Variants in METTL15 observed in about 807,000 individuals in gnomAD.
The protein encoded by METTL15 is 12S rRNA N(4)-cytidine methyltransferase METTL15.
A neutral mutation model predicts 38.3 loss-of-function variants in METTL15; 34 were observed. The observed-to-expected ratio is 0.89, with a 90% CI of 0.68 to 1.18. METTL15 has a LOEUF of 1.18. Ranked by LOEUF, METTL15 falls within the 50% of genes most tolerant of loss-of-function variation. METTL15 has a pLI of 0.00. For missense variants in METTL15, 438 were observed against 498.4 expected (o/e 0.88, Z 1.15); for synonymous variants, 162 against 170.9 (o/e 0.95, Z 0.41).
intron 5 of METTL15, among the ~76,000 whole-genome samples, chr11:28,363,977 G>C (rs1027918962): frequency 3.3e-5 from 5 of 152,044 alleles, no homozygotes; most frequent in African/African-American, 1.2e-4. Flanking sequence ...TTTTGTCCCA[G>C]GTCCAATGGC....
chr11:28,415,602 T>C (rs986016396), intron 5 of METTL15, among the ~76,000 whole-genome samples: 2 of 152,168 alleles, frequency 1.3e-5, no homozygotes, highest in Non-Finnish European at 1.5e-5. Context: ...ATGCTCTCAT[T>C]CAACCTTCAG....
chr11:28,457,173 G>A (rs546479083), intron 6 of METTL15, among the ~76,000 whole-genome samples: 1 of 152,184 alleles, frequency 6.6e-6, no homozygotes, highest in East Asian at 1.9e-4. Context: ...GCCTCTGGAT[G>A]TTTTAAGCAT....
At chr11:28,520,595 C>CTATA (rs1176372902) in intron 6 of METTL15, among the ~76,000 whole-genome samples, 1 of 152,166 alleles carries the variant, frequency 6.6e-6, no homozygotes, top group African/African-American at 2.4e-5. Flanking sequence ...TTTTATTCAT[C>CTATA]TATAAATATG....
intron 5 of METTL15, among the ~76,000 whole-genome samples, chr11:28,380,732 T>G (rs1850241200): frequency 1.3e-5 from 2 of 152,186 alleles, no homozygotes; most frequent in African/African-American, 4.8e-5. Context: ...ACAACATATC[T>G]TAGATTAAAA....
At chr11:28,473,476 G>C (rs1187801722) in intron 6 of METTL15, among the ~76,000 whole-genome samples, 1 of 152,166 alleles carries the variant, frequency 6.6e-6, no homozygotes, top group African/African-American at 2.4e-5. Flanking sequence ...ACCTGTCTCA[G>C]CTGCAGAGAT....
intron 3 of METTL15, among the ~76,000 whole-genome samples, chr11:28,162,109 T>C (rs1850487072): frequency 6.6e-6 from 1 of 152,170 alleles, no homozygotes; most frequent in African/African-American, 2.4e-5. Flanking sequence ...AACATATCCT[T>C]CTTGCAGATG....
chr11:28,279,146 A>G (rs965555365), intron 4 of METTL15, among the ~76,000 whole-genome samples: 2 of 152,078 alleles, frequency 1.3e-5, no homozygotes, highest in Non-Finnish European at 2.9e-5. Context: ...TTGTCATGTA[A>G]TGTCTTTTTT....
intron 4 of METTL15, among the ~76,000 whole-genome samples, chr11:28,263,019 A>G (rs1328674320): frequency 6.6e-6 from 1 of 151,938 alleles, no homozygotes; most frequent in African/African-American, 2.4e-5. Flanking sequence ...TAATTGGGTT[A>G]TTTCCACTTT....
chr11:28,284,653 G>A (rs1054210389), intron 4 of METTL15, among the ~76,000 whole-genome samples: 2 of 152,182 alleles, frequency 1.3e-5, no homozygotes, highest in South Asian at 2.1e-4. Flanking sequence ...TTTAGGCAAT[G>A]TAAGTCAACA....
In METTL15 at chr11:28,371,307, C is replaced by T. The variant is rs998795852; in HGVS notation, c.*358+9271C>T. 4.6e-5 allele frequency among the ~76,000 whole-genome samples: 7 copies of T among 151,890 alleles called. No individual in the cohort carries two copies. The South Asian group carries it at 6.2e-4, about 13-fold the overall frequency. On this transcript the variant is annotated intron_variant and NMD_transcript_variant, in intron 5 of 7. Coordinates refer to the METTL15 transcript ENST00000532947. ...TTATCCTTTCACTATTGTATGTTCT[C>T]GGCACCTTTGTGAAAAATAAGTTGG...
intron 3 of METTL15, among the ~76,000 whole-genome samples, chr11:28,137,844 CAATT>C (rs1278017230): frequency 6.7e-6 from 1 of 150,140 alleles, no homozygotes; most frequent in Non-Finnish European, 1.5e-5. Flanking sequence ...TTAGGCCAAT[CAATT>C]AGAGCTATTT....
At chr11:28,307,893 C>T (rs751380548) in intron 6 of METTL15, among the ~76,000 whole-genome samples, 1 of 151,976 alleles carries the variant, frequency 6.6e-6, no homozygotes, top group African/African-American at 2.4e-5. Flanking sequence ...ATAATATTTT[C>T]ATGAATCCCA....
At chr11:28,110,713 C>T (rs560038154) in intron 2 of METTL15, among the ~76,000 whole-genome samples, 2 of 152,258 alleles carry the variant, frequency 1.3e-5, no homozygotes, top group African/African-American at 2.4e-5. Flanking sequence ...ACAGGATTTC[C>T]CTGCCAGACA....
chr11:28,512,065 T>C (rs1043459242), intron 6 of METTL15, among the ~76,000 whole-genome samples: 4 of 151,814 alleles, frequency 2.6e-5, no homozygotes, highest in African/African-American at 9.7e-5. Flanking sequence ...AGGGTGCTGA[T>C]TGGTGCGTTT....
At chr11:28,397,959 A>AC (rs768635324) in intron 5 of METTL15, among the ~76,000 whole-genome samples, 2 of 152,114 alleles carry the variant, frequency 1.3e-5, no homozygotes, top group Non-Finnish European at 2.9e-5. Context: ...GAAACTTGAA[A>AC]CCATCATTCT....
chr11:28,152,766 AAGAATT>A (rs1722274965), intron 3 of METTL15, among the ~76,000 whole-genome samples: 1 of 148,204 alleles, frequency 6.7e-6, no homozygotes, highest in South Asian at 2.3e-4. Context: ...TAGTGCAAGA[AAGAATT>A]AGAAAGGAAT....
intron 6 of METTL15, among the ~76,000 whole-genome samples, chr11:28,466,220 A>C (rs1050580733): frequency 3.9e-5 from 6 of 152,240 alleles, no homozygotes; most frequent in African/African-American, 1.4e-4. Flanking sequence ...AGGATCTGGC[A>C]TGGGAGTTTC....
intron 5 of METTL15, among the ~76,000 whole-genome samples, chr11:28,365,102 ATATC>A (rs1260476319): frequency 6.6e-5 from 10 of 152,048 alleles, no homozygotes; most frequent in African/African-American, 2.4e-4. Flanking sequence ...GGATTTTTAT[ATATC>A]TATTTTCATC....
chr11:28,287,569 C>T (rs984841514), intron 4 of METTL15: 11 of 278,510 alleles, frequency 3.9e-5, no homozygotes, highest in Middle Eastern at 2.7e-3. Context: ...ATTTGCCTCT[C>T]TTTCTGGCAT....
Sources: allele counts gnomAD v4.1 joint callset (sites outside exome capture counted in the v4.1 genomes callset), GRCh38; gene constraint gnomAD v4.1.1; transcripts MANE v1.5; gene names NCBI Gene and HGNC (gene_info 2026-07-23, HGNC 2026-07-21).